The following HOMER2 variants were observed in gnomAD, a reference collection of about 807,000 sequenced individuals.
HOMER2 encodes homer scaffold protein 2, also known as homer protein homolog 2.
Under a neutral mutation model 47.0 loss-of-function variants are expected in HOMER2, and 27 were observed. The ratio of observed to expected loss-of-function variants is 0.57; its 90% CI spans 0.42 to 0.79. The LOEUF is 0.79. Among genes scored for constraint, HOMER2 ranks in the 30% least tolerant of loss-of-function variants. The probability of loss-of-function intolerance (pLI) is 0.00; values close to 1 mark genes in which losing one functional copy is unlikely to be tolerated. For synonymous variants in HOMER2, 161 were observed against 163.8 expected, an observed-to-expected ratio of 0.98 and a Z score of 0.13; for missense variants, 443 against 435.0, an observed-to-expected ratio of 1.02 and a Z score of -0.16.
intron 1 of HOMER2, among the ~76,000 whole-genome samples, chr15:82,949,137 G>A (rs535903773): frequency 7.2e-5 from 11 of 152,308 alleles, no homozygotes; most frequent in African/African-American, 9.6e-5. Context: ...TGGGGAAGAC[G>A]GAAGGCAGGT....
At chr15:82,944,438 CT>C (rs1317707686) in intron 1 of HOMER2, among the ~76,000 whole-genome samples, 1 of 152,180 alleles carries the variant, frequency 6.6e-6, no homozygotes, top group East Asian at 1.9e-4. Flanking sequence ...CCTCACAATG[CT>C]TCTTTTTGCT....
At chr15:82,898,109 G>C (rs1055605451) in intron 1 of HOMER2, among the ~76,000 whole-genome samples, 3 of 152,196 alleles carry the variant, frequency 2.0e-5, no homozygotes, top group Admixed American at 1.3e-4. Context: ...AAAGGTCACA[G>C]GATCACTTCA....
chr15:82,924,280 G>C (rs1427133264), intron 1 of HOMER2, among the ~76,000 whole-genome samples: 1 of 151,932 alleles, frequency 6.6e-6, no homozygotes, highest in African/African-American at 2.4e-5. Flanking sequence ...TCTCCCTTTG[G>C]AAAAGGTTCA....
intron 1 of HOMER2, among the ~76,000 whole-genome samples, chr15:82,972,601 G>T (rs11259963): frequency 6.6e-6 from 1 of 151,828 alleles, no homozygotes; most frequent in African/African-American, 2.4e-5. Context: ...CTGCCCACCT[G>T]GGCCTCCCAG....
chr15:82,857,347 T>C (rs934520981), intron 5 of HOMER2, among the ~76,000 whole-genome samples: 13 of 151,484 alleles, frequency 8.6e-5, no homozygotes, highest in Non-Finnish European at 1.9e-4. Context: ...AAGTAAAGGT[T>C]TGTTGTTTAA....
chr15:82,872,810 C>G (rs2052221834), intron 3 of HOMER2, among the ~76,000 whole-genome samples: 1 of 152,188 alleles, frequency 6.6e-6, no homozygotes, highest in African/African-American at 2.4e-5. Flanking sequence ...GATTTGACAT[C>G]TCAGTGGGAA....
intron 1 of HOMER2, among the ~76,000 whole-genome samples, chr15:82,942,724 T>TAAAAGCAACGAGTTGGC (rs1202584992): frequency 6.6e-6 from 1 of 152,210 alleles, no homozygotes; most frequent in African/African-American, 2.4e-5. Context: ...CACCTCCCTG[T>TAAAAGCAACGAGTTGGC]AAAAGCAACG....
rs756711767 is a variant in HOMER2 at position 82,864,216 on chromosome 15, G to A, written c.338C>T (p.Ala113Val). 1.9e-6 allele frequency: 3 copies of A among 1,612,046 alleles called. No individual in the cohort carries two copies. The highest frequency in any genetic ancestry group is 2.2e-5 in the East Asian group (1 of 44,790). ...GATTTTCTCCTGCGTCTTGTCTTTG[G>A]CTATCTTGGCAGCTTCTTTCACCTC... Reference protein sequence around the residue: ...FQEVKEAAKIAKDKTQEKIET... With the variant: ...FQEVKEAAKIVKDKTQEKIET... The change falls in exon 4 of 9, where the codon GCC (alanine) becomes GTC (valine). Residue 113 changes from alanine (A) to valine (V), a missense_variant. Physicochemically the swap from Ala to Val is moderately conservative, Grantham distance 64. Transcript: ENST00000450735.
At position 82,849,820 on chromosome 15, in the gene HOMER2, G is replaced by A; in HGVS notation, c.927C>T (p.Arg309=). 1 of 1,613,988 alleles carries A rather than the reference G, an allele frequency of 6.2e-7. No individual in the cohort carries two copies. The highest frequency in any genetic ancestry group is 1.1e-5 in the South Asian group (1 of 91,088). Reference sequence around the variant, plus strand: ...AGCTCTTCAACTCCACCTTCAGGTGGCGCTGTCGGTATTTGCTCTCCTCAA... The same window carrying A: ...AGCTCTTCAACTCCACCTTCAGGTGACGCTGTCGGTATTTGCTCTCCTCAA... ...TDIEESKYRQ[R]HLKVELKSFL... is the part of the protein sequence containing the mutation. The change falls in exon 9 of 9, where the codon CGC becomes CGT. Residue 309 remains arginine (R), a synonymous_variant. Coordinates refer to ENST00000450735, the MANE Select transcript of HOMER2 (RefSeq NM_004839.4).
At chr15:82,857,768 C>T (rs1346130376) in intron 5 of HOMER2, among the ~76,000 whole-genome samples, 1 of 152,074 alleles carries the variant, frequency 6.6e-6, no homozygotes, top group Non-Finnish European at 1.5e-5. Flanking sequence ...AGGAGGGGGG[C>T]TTCTCGGTCT....
intron 1 of HOMER2, among the ~76,000 whole-genome samples, chr15:82,970,898 C>T (rs917882978): frequency 1.3e-5 from 2 of 152,184 alleles, no homozygotes; most frequent in Admixed American, 1.3e-4. Context: ...TTATCGCTGG[C>T]AAAATTCAAT....
chr15:82,948,820 G>A (rs940018808), intron 1 of HOMER2, among the ~76,000 whole-genome samples: 3 of 152,238 alleles, frequency 2.0e-5, no homozygotes, highest in African/African-American at 7.2e-5. Flanking sequence ...CCAGCGCCTG[G>A]TCAGTGGGAG....
chr15:82,936,971 A>C (rs1413231697), intron 1 of HOMER2, among the ~76,000 whole-genome samples: 1 of 152,172 alleles, frequency 6.6e-6, no homozygotes, highest in Non-Finnish European at 1.5e-5. Context: ...AACAATATAG[A>C]GGGGCCTGGA....
chr15:82,984,958 G>A lies in HOMER2; in HGVS notation n.82+829C>T, dbSNP rs187205817. Among the ~76,000 whole-genome samples, 202 of 152,256 alleles carry A rather than the reference G, an allele frequency of 1.3e-3. 1 individual carries two copies. The highest frequency in any genetic ancestry group is 4.1e-3 in the Admixed American group (62 of 15,304). On this transcript the variant is annotated intron_variant and non_coding_transcript_variant, in intron 1 of 1. Coordinates refer to the HOMER2 transcript ENST00000500334. ...TAATTTTAGTTCGAAGTTAGAAAGT[G>A]GTAATAACTAAATACATGAAATTCC...
chr15:82,868,542 T>TATATATATATATATATATATATATA (rs370867216), intron 3 of HOMER2, among the ~76,000 whole-genome samples: 27 of 42,660 alleles, frequency 6.3e-4, no homozygotes, highest in African/African-American at 1.2e-3. Flanking sequence ...TATATATATA[T>TATATATATATATATATATATATATA]TTTTTTTTTT....
chr15:82,945,758 C>T (rs1017965728), intron 1 of HOMER2, among the ~76,000 whole-genome samples: 14 of 152,152 alleles, frequency 9.2e-5, no homozygotes, highest in African/African-American at 2.2e-4. Flanking sequence ...ATCACGAGGT[C>T]AGGAGATCGA....
upstream of HOMER2, among the ~76,000 whole-genome samples, chr15:82,957,453 G>A (rs2054596321): frequency 6.6e-6 from 1 of 152,096 alleles, no homozygotes; most frequent in South Asian, 2.1e-4. Flanking sequence ...TGTCAAAATG[G>A]TTCTTATATA....
Position 82,864,176 on chromosome 15 carries a change from A to C in HOMER2, c.378T>G (p.Asn126Lys). 1.9e-6 allele frequency: 3 copies of C among 1,608,212 alleles called. No individual in the cohort carries two copies. Among genetic ancestry groups the C allele is most frequent in the Non-Finnish European group, 2.6e-6 (3 of 1,175,968 alleles). The change falls in exon 4 of 9, where the codon AAT becomes AAG. Residue 126 changes from asparagine to lysine, a missense_variant. By Grantham distance (94) the Asn-to-Lys change is moderately conservative. Coordinates refer to ENST00000450735, the MANE Select transcript of HOMER2 (RefSeq NM_004839.4). The part of the protein sequence containing the change: ...KTQEKIETSS[N>K]HSQASSVNGT... Reference sequence around the variant, plus strand: ...TAGACTAATGTCTTACTTGGGAATGATTACTTGAGGTCTCGATTTTCTCCT... The same window carrying C: ...TAGACTAATGTCTTACTTGGGAATGCTTACTTGAGGTCTCGATTTTCTCCT...
intron 1 of HOMER2, among the ~76,000 whole-genome samples, chr15:82,895,557 T>C (rs2052881005): frequency 6.6e-6 from 1 of 152,208 alleles, no homozygotes; most frequent in Admixed American, 6.5e-5. Context: ...TTCTCCTACA[T>C]ACGTGAAAGG....
Sources: gnomAD v4.1 joint callset for allele counts (sites outside exome capture counted in the v4.1 genomes callset) on GRCh38, gnomAD v4.1.1 for gene constraint, MANE v1.5 for transcripts, NCBI Gene and HGNC (gene_info 2026-07-23, HGNC 2026-07-21) for gene names.